MCPH1: variants seen among roughly 807,000 people sequenced by gnomAD.
MCPH1 encodes microcephalin 1, also known as microcephalin.
A neutral mutation model predicts 84.5 loss-of-function variants in MCPH1; 104 were observed. That is an observed-to-expected ratio of 1.23 (90% CI 1.05 to 1.45). The LOEUF (loss-of-function observed/expected upper bound fraction) is 1.45. Ranked by LOEUF, MCPH1 falls within the 40% of genes most tolerant of loss-of-function variation. The pLI is 0.00. For synonymous variants in MCPH1, 514 were observed against 366.8 expected (o/e 1.40, Z -4.58); for missense variants, 1,498 against 1,005.7 (o/e 1.49, Z -6.62).
chr8:6,495,965 C>T (rs1457891544), intron 11 of MCPH1, among the ~76,000 whole-genome samples: 2 of 152,120 alleles, frequency 1.3e-5, no homozygotes, highest in African/African-American at 4.8e-5. Flanking sequence ...CACCAAGGAC[C>T]AGTTTTGTGA....
intron 1 of MCPH1, among the ~76,000 whole-genome samples, chr8:6,406,908 C>T (rs1797793912): frequency 1.0e-5 from 1 of 100,346 alleles, no homozygotes; most frequent in East Asian, 3.4e-4. Flanking sequence ...CCCCCAAAAC[C>T]CCCGGCTGCC....
At position 6,444,797 on chromosome 8, in the gene MCPH1, G is replaced by A. The variant is rs1261193951; in HGVS notation, c.1075G>A (p.Val359Ile). Residue 359 changes from valine to isoleucine, a missense_variant, in exon 8 of 14, where the codon GTA becomes ATA. Val to Ile is a conservative substitution (Grantham distance 29, BLOSUM62 3). Transcript: ENST00000344683. ...GAGTTCCTCAGTAAAGAGAAAAAGA[G>A]TATCACATGGCTCCCATTCACCTCC... ...PRSSSVKRKR[V>I]SHGSHSPPKE... The A allele has an allele frequency of 1.9e-6, 3 of 1,614,048 alleles. No individual in the cohort carries two copies. The highest frequency in any genetic ancestry group is 1.3e-5 in the African/African-American group (1 of 75,028).
intron 11 of MCPH1, among the ~76,000 whole-genome samples, chr8:6,487,686 C>G (rs1029986962): frequency 6.6e-6 from 1 of 152,188 alleles, no homozygotes. Flanking sequence ...ATTTATTGCT[C>G]GCACTTGCAA....
At chr8:6,423,190 C>CTT (rs1165558274) in intron 3 of MCPH1, among the ~76,000 whole-genome samples, 18 of 113,210 alleles carry the variant, frequency 1.6e-4, no homozygotes, top group African/African-American at 4.2e-4. Flanking sequence ...CTTTTCTTTT[C>CTT]TTTTTTTTTT....
At chr8:6,565,068 C>G (rs1420247225) in intron 12 of MCPH1, among the ~76,000 whole-genome samples, 1 of 152,136 alleles carries the variant, frequency 6.6e-6, no homozygotes, top group Non-Finnish European at 1.5e-5. Flanking sequence ...AGTGCACCGT[C>G]GAAGAAAGCA....
At chr8:6,607,126 C>T (rs1172075755) in intron 12 of MCPH1, among the ~76,000 whole-genome samples, 1 of 152,196 alleles carries the variant, frequency 6.6e-6, no homozygotes, top group East Asian at 1.9e-4. Flanking sequence ...CAGGAAGGCC[C>T]CTCTCACTTT....
At chr8:6,526,704 A>C (rs1340591113) in intron 12 of MCPH1, among the ~76,000 whole-genome samples, 2 of 152,200 alleles carry the variant, frequency 1.3e-5, no homozygotes, top group Non-Finnish European at 2.9e-5. Flanking sequence ...TTTGGTTAAG[A>C]ATAAAGAATT....
chr8:6,590,362 G>A (rs1000845325), intron 12 of MCPH1, among the ~76,000 whole-genome samples: 10 of 152,180 alleles, frequency 6.6e-5, no homozygotes, highest in Non-Finnish European at 1.5e-4. Flanking sequence ...GGAAACATTT[G>A]GTTTATGTTT....
rs527965735 is a variant in MCPH1, at chr8:6,591,143, C to T, written c.2215-30311C>T. On this transcript the variant is annotated intron_variant, in intron 12 of 13. Coordinates refer to ENST00000344683, the MANE Select transcript of MCPH1 (RefSeq NM_024596.5). The stretch of plus-strand genomic sequence containing the variant: ...AACTCCTGACCTCAGGTGATCAGCC[C>T]GCCTTGGCCTCCCAACGTGCTGGGA... 3.9e-5 allele frequency among the ~76,000 whole-genome samples: 6 copies of T among 152,338 alleles called. No homozygotes were observed. The South Asian group carries it at 1.0e-3, about 26-fold the overall frequency.
chr8:6,551,990 A>C (rs1472753971), intron 12 of MCPH1, among the ~76,000 whole-genome samples: 1 of 152,228 alleles, frequency 6.6e-6, no homozygotes, highest in Non-Finnish European at 1.5e-5. Context: ...ACTAATGTTT[A>C]TAATTACCCG....
chr8:6,425,939 C>G (rs1289338053), intron 3 of MCPH1, among the ~76,000 whole-genome samples: 1 of 152,110 alleles, frequency 6.6e-6, no homozygotes, highest in Non-Finnish European at 1.5e-5. Flanking sequence ...CTCAGCCACC[C>G]CCCTTTTGCT....
chr8:6,486,253 G>T (rs1235743059), intron 11 of MCPH1, among the ~76,000 whole-genome samples: 1 of 142,158 alleles, frequency 7.0e-6, no homozygotes, highest in Non-Finnish European at 1.5e-5. Context: ...TTGACTTTGT[G>T]TACAAGGAAT....
chr8:6,417,455 T>C (rs1799480987), intron 3 of MCPH1, among the ~76,000 whole-genome samples: 1 of 152,234 alleles, frequency 6.6e-6, no homozygotes, highest in Non-Finnish European at 1.5e-5. Flanking sequence ...CCTTTCTGTG[T>C]AATACACCTT....
At chr8:6,597,074 C>T (rs964513715) in intron 12 of MCPH1, among the ~76,000 whole-genome samples, 1 of 152,186 alleles carries the variant, frequency 6.6e-6, no homozygotes, top group Non-Finnish European at 1.5e-5. Flanking sequence ...TCCAAGCAGG[C>T]TGGACTCACA....
At chr8:6,416,280 CATGTCATGTCAT>C (rs1473319784) in intron 3 of MCPH1, among the ~76,000 whole-genome samples, 2 of 498 alleles carry the variant, frequency 4.0e-3, no homozygotes, top group Non-Finnish European at 0.015. Context: ...CATGTTATGT[CATGTCATGTCAT>C]GTCATGTCAT....
At chr8:6,492,516 G>A (rs1229859835) in intron 11 of MCPH1, among the ~76,000 whole-genome samples, 1 of 151,724 alleles carries the variant, frequency 6.6e-6, no homozygotes, top group Non-Finnish European at 1.5e-5. Context: ...TGTTGCCATT[G>A]CATTTGGTGT....
chr8:6,511,778 G>C (rs1815157188), intron 12 of MCPH1, among the ~76,000 whole-genome samples: 2 of 152,118 alleles, frequency 1.3e-5, no homozygotes, highest in Admixed American at 6.5e-5. Context: ...ATTTCTAAAG[G>C]AAATATCTGT....
chr8:6,485,935 A>C (rs1172752246), intron 11 of MCPH1, among the ~76,000 whole-genome samples: 2 of 152,190 alleles, frequency 1.3e-5, no homozygotes, highest in African/African-American at 4.8e-5. Context: ...TTGCACCCTC[A>C]AAAAGTTTAG....
At chr8:6,537,663 C>G (rs1268996699) in intron 12 of MCPH1, among the ~76,000 whole-genome samples, 1 of 151,848 alleles carries the variant, frequency 6.6e-6, no homozygotes, top group South Asian at 2.1e-4. Flanking sequence ...AAAAATAGGT[C>G]CATTTGTGAG....
Sources: allele counts gnomAD v4.1 joint callset (sites outside exome capture counted in the v4.1 genomes callset), GRCh38; gene constraint gnomAD v4.1.1; transcripts MANE v1.5; gene names NCBI Gene and HGNC (gene_info 2026-07-23, HGNC 2026-07-21).